HS2ST1: variants seen among roughly 807,000 people sequenced by gnomAD.
The protein encoded by HS2ST1 is heparan sulfate 2-O-sulfotransferase 1.
In HS2ST1, 18 loss-of-function variants were observed where a neutral mutation model predicts 42.9. The ratio of observed to expected loss-of-function variants is 0.42; its 90% CI spans 0.29 to 0.62. HS2ST1 has a LOEUF of 0.62. HS2ST1 is among the 20% of genes least tolerant of loss of function. The probability of loss-of-function intolerance (pLI) is 0.21; values close to 1 mark genes in which losing one functional copy is unlikely to be tolerated. For synonymous variants in HS2ST1, 146 were observed against 152.9 expected (o/e 0.95, Z 0.33); for missense variants, 334 against 433.8 (o/e 0.77, Z 2.04).
intron 1 of HS2ST1, among the ~76,000 whole-genome samples, chr1:87,002,744 G>A (rs554069053): frequency 5.9e-4 from 89 of 150,976 alleles, no homozygotes; most frequent in Non-Finnish European, 9.9e-4. Flanking sequence ...TTTCCCCCCC[G>A]CTGACTACCT....
chr1:86,940,503 T>A (rs1007682752), intron 1 of HS2ST1, among the ~76,000 whole-genome samples: 1 of 152,238 alleles, frequency 6.6e-6, no homozygotes, highest in African/African-American at 2.4e-5. Context: ...TTTAGGTGAC[T>A]TCACATATAT....
chr1:86,960,374 G>A (rs1035868988), intron 1 of HS2ST1, among the ~76,000 whole-genome samples: 26 of 152,068 alleles, frequency 1.7e-4, no homozygotes, highest in Non-Finnish European at 3.7e-4. Context: ...CCTTAGGTTT[G>A]GTGATAACTT....
At chr1:87,085,783 A>C (rs1039777799) in intron 3 of HS2ST1, among the ~76,000 whole-genome samples, 3 of 152,204 alleles carry the variant, frequency 2.0e-5, no homozygotes, top group African/African-American at 7.2e-5. Context: ...TTCATTATTA[A>C]AATTATAAAT....
At chr1:86,915,183 G>T in intron 1 of HS2ST1, 23 bp downstream of exon 1, 2 of 1,605,216 alleles carry the variant, frequency 1.2e-6, no homozygotes, top group South Asian at 2.2e-5. Flanking sequence ...ACTGCCCCGG[G>T]CTGAGTGCTG....
intron 1 of HS2ST1, among the ~76,000 whole-genome samples, chr1:86,960,631 C>G (rs999091205): frequency 6.6e-6 from 1 of 152,062 alleles, no homozygotes; most frequent in Non-Finnish European, 1.5e-5. Flanking sequence ...AAATCTGAAC[C>G]TCCTTGGAGA....
At chr1:86,976,932 G>C (rs566237971) in intron 1 of HS2ST1, among the ~76,000 whole-genome samples, 2 of 151,422 alleles carry the variant, frequency 1.3e-5, no homozygotes, top group South Asian at 2.1e-4. Flanking sequence ...GTGCCTTGTA[G>C]TCCTAGCTAC....
At chr1:87,002,427 T>TA (rs1345654475) in intron 1 of HS2ST1, among the ~76,000 whole-genome samples, 34 of 151,924 alleles carry the variant, frequency 2.2e-4, no homozygotes, top group African/African-American at 8.0e-4. Context: ...ACCCTGTCTT[T>TA]ACAAAAATTA....
At chr1:87,049,719 A>G (rs1430831218) in intron 1 of HS2ST1, among the ~76,000 whole-genome samples, 2 of 152,124 alleles carry the variant, frequency 1.3e-5, no homozygotes, top group Non-Finnish European at 2.9e-5. Flanking sequence ...TGTACACTTG[A>G]AAAGAATGTG....
intron 1 of HS2ST1, among the ~76,000 whole-genome samples, chr1:87,007,206 A>C (rs996281714): frequency 6.6e-6 from 1 of 152,072 alleles, no homozygotes; most frequent in Non-Finnish European, 1.5e-5. Flanking sequence ...TACTTGTTCT[A>C]GTTTTTTTTA....
chr1:87,081,303 T>C (rs907753662), intron 2 of HS2ST1, among the ~76,000 whole-genome samples: 2 of 152,228 alleles, frequency 1.3e-5, no homozygotes, highest in African/African-American at 2.4e-5. Flanking sequence ...ATAGACCATA[T>C]GTTAAGTCAC....
chr1:86,932,015 C>A (rs1660553873), intron 1 of HS2ST1, among the ~76,000 whole-genome samples: 1 of 151,926 alleles, frequency 6.6e-6, no homozygotes, highest in African/African-American at 2.4e-5. Context: ...CTTTAATGAT[C>A]CTCCCATCTT....
rs189122856 is a variant in HS2ST1, at chr1:86,922,080, C to G, written c.124+6920C>G. ...TGTTTATCTTAACTGTTCTGTGATT[C>G]CTTTTTTTCTGTTGTCTTTAGGATT... On this transcript the variant is annotated intron_variant, in intron 1 of 6. Transcript: ENST00000370550. Among the ~76,000 whole-genome samples, 332 of 150,956 alleles carry G rather than the reference C, an allele frequency of 2.2e-3. 1 individual carries two copies. Among genetic ancestry groups the G allele is most frequent in the Non-Finnish European group, 4.0e-3 (272 of 67,720 alleles).
At chr1:87,003,934 C>T (rs1649361608) in intron 1 of HS2ST1, among the ~76,000 whole-genome samples, 1 of 152,130 alleles carries the variant, frequency 6.6e-6, no homozygotes, top group Non-Finnish European at 1.5e-5. Context: ...TCTGTGGATA[C>T]TGAGGGACAG....
chr1:86,942,766 G>A (rs1011972429), intron 1 of HS2ST1, among the ~76,000 whole-genome samples: 4 of 152,028 alleles, frequency 2.6e-5, no homozygotes, highest in East Asian at 1.9e-4. Flanking sequence ...TCATTGATAA[G>A]GTAAAGTTAG....
Position 86,975,526 on chromosome 1 carries a change from TAATCTA to T in HS2ST1, c.124+60370_124+60375del, listed in dbSNP as rs1205885428. ...TAAATAGAAATTCTGAATCTGTAGA[TAATCTA>T]AATGAGACTGCTTAAAGGGAATGGC... On this transcript the variant is annotated intron_variant, in intron 1 of 6. Coordinates refer to ENST00000370550, the MANE Select transcript of HS2ST1 (RefSeq NM_012262.4). Among the ~76,000 whole-genome samples the T allele has an allele frequency of 3.9e-5, 6 of 152,286 alleles. No homozygotes were observed. In the South Asian group the frequency reaches 8.3e-4, roughly 21 times the overall value.
intron 1 of HS2ST1, among the ~76,000 whole-genome samples, chr1:86,916,759 A>G (rs1553129707): frequency 6.6e-6 from 1 of 152,188 alleles, no homozygotes; most frequent in Non-Finnish European, 1.5e-5. Flanking sequence ...CCAGCTCTAC[A>G]GAAAAAAAGA....
At chr1:86,948,743 A>G (rs944612633) in intron 1 of HS2ST1, among the ~76,000 whole-genome samples, 3 of 152,240 alleles carry the variant, frequency 2.0e-5, no homozygotes, top group Admixed American at 6.5e-5. Flanking sequence ...GGTTCCCTCT[A>G]ACTTAACGGT....
intron 1 of HS2ST1, among the ~76,000 whole-genome samples, chr1:87,022,376 C>CAT (rs1649974573): frequency 6.6e-6 from 1 of 152,018 alleles, no homozygotes; most frequent in Non-Finnish European, 1.5e-5. Context: ...CATAGTTCAA[C>CAT]ATATATGTTC....
chr1:86,914,903 T>G lies in HS2ST1; in HGVS notation c.-134T>G. 9.2e-7 allele frequency: 1 copy of G among 1,087,744 alleles called. No homozygotes were observed. The highest frequency in any genetic ancestry group is 1.3e-6 in the Non-Finnish European group (1 of 750,024). 67.4% of individuals were successfully genotyped at this position (1,087,744 alleles called of 1,614,324 possible). A position where few individuals can be genotyped will look rare whatever the true frequency, so the allele number is the denominator to read the frequency against. On this transcript the variant is annotated 5_prime_UTR_variant, in exon 1 of 7. Coordinates refer to ENST00000370550, the MANE Select transcript of HS2ST1 (RefSeq NM_012262.4). ...CTGGAGAGGCGAGAAGGGGGGTCGC[T>G]GCGGTGGTTCTCTCGCTGTCGCTCT...
Sources: allele counts gnomAD v4.1 joint callset (sites outside exome capture counted in the v4.1 genomes callset), GRCh38; gene constraint gnomAD v4.1.1; transcripts MANE v1.5; gene names NCBI Gene and HGNC (gene_info 2026-07-23, HGNC 2026-07-21).